Variants in MCMDC2 observed in about 807,000 individuals in gnomAD.
The protein encoded by MCMDC2 is minichromosome maintenance domain containing 2.
MCMDC2 carries 54 observed loss-of-function variants against 75.8 expected under a neutral mutation model. That is an observed-to-expected ratio of 0.71 (90% CI 0.57 to 0.89). The LOEUF is 0.89. MCMDC2 is among the 40% of genes least tolerant of loss of function. The pLI is 0.00. For missense variants in MCMDC2, 656 were observed against 780.4 expected (o/e 0.84, Z 1.90); for synonymous variants, 249 against 274.6 (o/e 0.91, Z 0.92).
In MCMDC2 at chr8:66,896,306, A is replaced by C; in HGVS notation, c.1416A>C (p.Ala472=). 6.2e-7 allele frequency: 1 copy of C among 1,609,590 alleles called. No individual in the cohort carries two copies. The highest frequency in any genetic ancestry group is 8.5e-7 in the Non-Finnish European group (1 of 1,179,208). ...TGGATTCATCTTCAAGGAGAAATGC[A>C]CAGAAAATCAACACTCTAATTGGTC... is the stretch of plus-strand genomic sequence containing the variant. ...VDVDSSSRRN[A]QKINTLIGQM... is the part of the protein sequence containing the mutation. Residue 472 remains alanine (A), a synonymous_variant, in exon 11 of 15, where the codon GCA becomes GCC. Transcript: ENST00000422365.
At chr8:66,889,198 C>T (rs989829312) in intron 9 of MCMDC2, among the ~76,000 whole-genome samples, 2 of 152,174 alleles carry the variant, frequency 1.3e-5, no homozygotes, top group African/African-American at 4.8e-5. Flanking sequence ...TAGGTGATTG[C>T]ACTAGGAAGC....
At chr8:66,912,301 T>C (rs1287109031) in intron 14 of MCMDC2, among the ~76,000 whole-genome samples, 1 of 152,190 alleles carries the variant, frequency 6.6e-6, no homozygotes, top group Non-Finnish European at 1.5e-5. Context: ...TGCTATAGAC[T>C]GATGATCAAA....
intron 14 of MCMDC2, among the ~76,000 whole-genome samples, chr8:66,917,545 C>T (rs781775857): frequency 2.0e-5 from 3 of 152,166 alleles, no homozygotes; most frequent in African/African-American, 4.8e-5. Flanking sequence ...ACTGAAACTG[C>T]GTACCCATTA....
rs573955648 is a variant in MCMDC2, at chr8:66,919,608, C to G, written c.*439C>G. The G allele has an allele frequency of 6.6e-6, 1 of 152,508 alleles. No individual in the cohort carries two copies. Among genetic ancestry groups the G allele is most frequent in the Non-Finnish European group, 1.5e-5 (1 of 68,300 alleles). 9.4% of individuals were successfully genotyped at this position (152,508 alleles called of 1,614,324 possible). The stretch of plus-strand genomic sequence containing the variant: ...AAAACATTTTTCTTCCACTTGTGAA[C>G]TTGCTAAACTGATGAGTAAATACTT... On this transcript the variant is annotated 3_prime_UTR_variant, in exon 15 of 15. Coordinates refer to ENST00000422365, the MANE Select transcript of MCMDC2 (RefSeq NM_173518.5).
chr8:66,902,662 C>G (rs1812720059), intron 13 of MCMDC2, among the ~76,000 whole-genome samples: 1 of 132,172 alleles, frequency 7.6e-6, no homozygotes, highest in African/African-American at 2.9e-5. Context: ...CCACTGCACT[C>G]CAGCCTGGCG....
chr8:66,919,953 A>G lies in MCMDC2; in HGVS notation c.*784A>G, dbSNP rs568939536. On this transcript the variant is annotated 3_prime_UTR_variant, in exon 15 of 15. Coordinates refer to ENST00000422365, the MANE Select transcript of MCMDC2 (RefSeq NM_173518.5). ...AGGGGCACCATGAGAAAACAAATCCATCTTGTAAAATTTATAAATCCTTTT... is the reference window on the plus strand; with the variant it reads ...AGGGGCACCATGAGAAAACAAATCCGTCTTGTAAAATTTATAAATCCTTTT... The G allele has an allele frequency of 6.6e-6, 1 of 152,340 alleles. No homozygotes were observed. The highest frequency in any genetic ancestry group is 2.1e-4 in the South Asian group (1 of 4,832). 9.4% of individuals were successfully genotyped at this position (152,340 alleles called of 1,614,324 possible).
chr8:66,910,256 C>A (rs1042158794), intron 14 of MCMDC2, among the ~76,000 whole-genome samples: 2 of 152,186 alleles, frequency 1.3e-5, no homozygotes, highest in African/African-American at 4.8e-5. Flanking sequence ...ACACATAGTC[C>A]CCACTGGGTA....
chr8:66,878,675 A>C lies in MCMDC2; in HGVS notation c.583A>C (p.Arg195=). Reference sequence around the variant, plus strand: ...ATGTGCATCTTCACTTCAAGAAGACAGAAAATTTAGAGTACTTGGTGGTAA... The same window carrying C: ...ATGTGCATCTTCACTTCAAGAAGACCGAAAATTTAGAGTACTTGGTGGTAA... ...NLCASSLQED[R]KFRVLGDKQI... The change falls in exon 6 of 15, where the codon AGA becomes CGA. Residue 195 remains arginine (R), a synonymous_variant. Coordinates refer to ENST00000422365, the MANE Select transcript of MCMDC2 (RefSeq NM_173518.5). The C allele has an allele frequency of 1.3e-6, 2 of 1,567,746 alleles. No individual in the cohort carries two copies. Among genetic ancestry groups the C allele is most frequent in the Non-Finnish European group, 1.7e-6 (2 of 1,164,426 alleles).
At chr8:66,916,499 A>C (rs1813329849) in intron 14 of MCMDC2, among the ~76,000 whole-genome samples, 1 of 152,180 alleles carries the variant, frequency 6.6e-6, no homozygotes, top group African/African-American at 2.4e-5. Flanking sequence ...GATTCACTTA[A>C]AGGGAAAAGA....
At chr8:66,909,374 T>C (rs1363038406) in intron 14 of MCMDC2, among the ~76,000 whole-genome samples, 1 of 152,208 alleles carries the variant, frequency 6.6e-6, no homozygotes, top group Non-Finnish European at 1.5e-5. Flanking sequence ...AAATGTGGAC[T>C]TGACTTTGTA....
chr8:66,902,079 AG>A (rs1812692351), intron 13 of MCMDC2, among the ~76,000 whole-genome samples: 1 of 151,490 alleles, frequency 6.6e-6, no homozygotes, highest in Non-Finnish European at 1.5e-5. Flanking sequence ...CTGTAATCCT[AG>A]CACTTTGGGA....
chr8:66,918,655 C>T (rs1182411439), intron 14 of MCMDC2, among the ~76,000 whole-genome samples: 1 of 152,158 alleles, frequency 6.6e-6, no homozygotes, highest in Non-Finnish European at 1.5e-5. Context: ...CACTCATCAG[C>T]TTCAAAACTA....
Position 66,920,387 on chromosome 8 carries a change from A to G in MCMDC2, c.*1218A>G, listed in dbSNP as rs1459802377. The stretch of plus-strand genomic sequence containing the variant: ...AGGTGCACTCCACCATGACTGGCTA[A>G]TTTTTGTATTTTTAGTAGAGACAGG... On this transcript the variant is annotated 3_prime_UTR_variant, in exon 15 of 15. Coordinates refer to ENST00000422365, the MANE Select transcript of MCMDC2 (RefSeq NM_173518.5). 1 of 152,006 alleles carries G rather than the reference A, an allele frequency of 6.6e-6. No individual in the cohort carries two copies. The highest frequency in any genetic ancestry group is 1.5e-5 in the Non-Finnish European group (1 of 68,032). The allele number at this position is 152,006 out of a possible 1,614,324, so 9.4% of individuals were successfully genotyped here. A position where few individuals can be genotyped will look rare whatever the true frequency, so the allele number is the denominator to read the frequency against.
At chr8:66,888,886 G>GT (rs1811965974) in intron 9 of MCMDC2, among the ~76,000 whole-genome samples, 1 of 152,154 alleles carries the variant, frequency 6.6e-6, no homozygotes, top group Non-Finnish European at 1.5e-5. Context: ...CACCCCCAGA[G>GT]TTTCTAATTT....
At chr8:66,923,973 C>T (rs1813642500), downstream of MCMDC2, among the ~76,000 whole-genome samples, 1 of 152,004 alleles carries the variant, frequency 6.6e-6, no homozygotes, top group African/African-American at 2.4e-5. Flanking sequence ...CACAAAATTC[C>T]AAATGGTGGG....
chr8:66,910,613 C>T (rs1813071043), intron 14 of MCMDC2, among the ~76,000 whole-genome samples: 1 of 152,110 alleles, frequency 6.6e-6, no homozygotes, highest in African/African-American at 2.4e-5. Context: ...AGTTGGAGAC[C>T]AGCCTGGCCA....
rs1336220567 is a variant in MCMDC2 at position 66,897,096 on chromosome 8, A to G, written c.1626+137A>G. 1.5e-5 allele frequency: 12 copies of G among 815,202 alleles called. No individual in the cohort carries two copies. In the East Asian group the frequency reaches 3.3e-4, roughly 23 times the overall value. The allele number at this position is 815,202 out of a possible 1,614,324, so 50.5% of individuals were successfully genotyped here. On this transcript the variant is annotated intron_variant, in intron 12 of 14. Transcript: ENST00000422365. ...TTGGTTCCAGCTTTTAAACATTTTA[A>G]GGACATTGCATAGAAGTTATTTAGG... is the stretch of plus-strand genomic sequence containing the variant.
At chr8:66,925,858 C>T (rs59978722), downstream of MCMDC2, among the ~76,000 whole-genome samples, 1 of 152,252 alleles carries the variant, frequency 6.6e-6, no homozygotes, top group Non-Finnish European at 1.5e-5. Context: ...AGAATATGCC[C>T]TAAAAGGCCG....
rs1041276251 is a variant in MCMDC2, at chr8:66,874,463, C to G, written c.225+7C>G. ...TGCTGAAGTCTTTCAATCAGTAAGT[C>G]AAAAAAAGAAATAATTTTATGCCAC... On this transcript the variant is annotated splice_region_variant and intron_variant, in intron 3 of 14. Transcript: ENST00000422365. 6 of 1,610,496 alleles carry G rather than the reference C, an allele frequency of 3.7e-6. No homozygotes were observed. The East Asian group carries it at 1.1e-4, about 30-fold the overall frequency.
Sources: allele counts gnomAD v4.1 joint callset (sites outside exome capture counted in the v4.1 genomes callset), GRCh38; gene constraint gnomAD v4.1.1; transcripts MANE v1.5; gene names NCBI Gene and HGNC (gene_info 2026-07-23, HGNC 2026-07-21).